The following DGLUCY variants were observed in gnomAD, a reference collection of about 807,000 sequenced individuals.
The protein encoded by DGLUCY is D-glutamate cyclase, mitochondrial.
A neutral mutation model predicts 58.5 loss-of-function variants in DGLUCY; 58 were observed. The ratio of observed to expected loss-of-function variants is 0.99; its 90% CI spans 0.80 to 1.23. The LOEUF is 1.23. Among genes scored for constraint, DGLUCY ranks in the 50% most tolerant of loss-of-function variants. The probability of loss-of-function intolerance (pLI) is 0.00; values close to 1 mark genes in which losing one functional copy is unlikely to be tolerated. For synonymous variants in DGLUCY, 325 were observed against 314.1 expected (o/e 1.03, Z -0.37); for missense variants, 779 against 784.7 (o/e 0.99, Z 0.09).
intron 4 of DGLUCY, 57 bp from the exon 5 acceptor site, chr14:91,169,946 T>C (rs2048480716): frequency 1.3e-6 from 2 of 1,540,762 alleles, no homozygotes; most frequent in Non-Finnish European, 1.8e-6. Flanking sequence ...TATAATGTAT[T>C]ATCAGGGGCC....
chr14:91,077,457 GA>G (rs767532533), intron 1 of DGLUCY, among the ~76,000 whole-genome samples: 1 of 150,042 alleles, frequency 6.7e-6, no homozygotes, highest in African/African-American at 2.5e-5. Context: ...AGAGAACAAA[GA>G]AAAAACAAAA....
At chr14:91,182,943 ATATTTTTATT>A (rs935352923) in intron 8 of DGLUCY, among the ~76,000 whole-genome samples, 4 of 146,210 alleles carry the variant, frequency 2.7e-5, no homozygotes, top group African/African-American at 2.6e-5. Context: ...ATTTTATTTT[ATATTTTTATT>A]TATTTTTATT....
At chr14:91,138,239 C>T (rs2140238357) in intron 1 of DGLUCY, among the ~76,000 whole-genome samples, 1 of 152,280 alleles carries the variant, frequency 6.6e-6, no homozygotes, top group African/African-American at 2.4e-5. Context: ...CACCTGTAAT[C>T]CCAGCACTTT....
At chr14:91,125,291 G>A (rs1189827166) in intron 1 of DGLUCY, among the ~76,000 whole-genome samples, 1 of 152,206 alleles carries the variant, frequency 6.6e-6, no homozygotes, top group African/African-American at 2.4e-5. Context: ...CGGGGAACAA[G>A]CATTTCAAAC....
At chr14:91,205,842 C>CTTTTTTTTTT (rs36096639) in intron 12 of DGLUCY, among the ~76,000 whole-genome samples, 1 of 70,698 alleles carries the variant, frequency 1.4e-5, no homozygotes, top group Non-Finnish European at 2.4e-5. Context: ...TCTTCTTCTT[C>CTTTTTTTTTT]TTTTTTTTTT....
chr14:91,147,695 G>C (rs958792592), intron 1 of DGLUCY: 1 of 152,160 alleles, frequency 6.6e-6, no homozygotes, highest in African/African-American at 2.4e-5. Context: ...AGTTGAAAGG[G>C]CATCTGTTAT....
intron 1 of DGLUCY, among the ~76,000 whole-genome samples, chr14:91,144,463 G>A (rs1378065068): frequency 6.6e-6 from 1 of 152,172 alleles, no homozygotes; most frequent in East Asian, 1.9e-4. Context: ...AGGAGGCTGA[G>A]ACAAGAGAAT....
chr14:91,078,753 G>A (rs2044072433), intron 1 of DGLUCY, among the ~76,000 whole-genome samples: 2 of 152,148 alleles, frequency 1.3e-5, no homozygotes, highest in Non-Finnish European at 2.9e-5. Context: ...AAGCTGGAGA[G>A]TCAGGAAACT....
intron 1 of DGLUCY, among the ~76,000 whole-genome samples, chr14:91,077,094 A>G (rs2044033544): frequency 6.6e-6 from 1 of 152,060 alleles, no homozygotes; most frequent in Non-Finnish European, 1.5e-5. Context: ...AATGAATAAA[A>G]TTAGCCAGGT....
At chr14:91,160,149 G>C (rs1436884966) in intron 2 of DGLUCY, 117 bp from the exon 3 acceptor site, 2 of 713,218 alleles carry the variant, frequency 2.8e-6, no homozygotes, top group East Asian at 2.7e-5. Flanking sequence ...GGCAGGCCCA[G>C]GAACAGGGCC....
intron 1 of DGLUCY, among the ~76,000 whole-genome samples, chr14:91,092,580 G>A (rs1361483596): frequency 6.6e-6 from 1 of 152,198 alleles, no homozygotes; most frequent in African/African-American, 2.4e-5. Context: ...AGTAGTGCCT[G>A]TATGTGTAGG....
At chr14:91,154,231 G>A (rs2047486690) in intron 1 of DGLUCY, among the ~76,000 whole-genome samples, 1 of 152,196 alleles carries the variant, frequency 6.6e-6, no homozygotes, top group South Asian at 2.1e-4. Flanking sequence ...ACATTTTAGG[G>A]AGACCTGAGA....
At chr14:91,207,759 T>A (rs1884994840) in intron 12 of DGLUCY, among the ~76,000 whole-genome samples, 2 of 152,226 alleles carry the variant, frequency 1.3e-5, no homozygotes. Flanking sequence ...TTTTTCTTTT[T>A]TTTTGAGATG....
chr14:91,212,507 TTCAA>T (rs1356846524), intron 12 of DGLUCY, among the ~76,000 whole-genome samples: 1 of 152,116 alleles, frequency 6.6e-6, no homozygotes, highest in Non-Finnish European at 1.5e-5. Flanking sequence ...GTTGTAAATA[TTCAA>T]TCAAAGAAGA....
At chr14:91,167,416 G>A (rs2048340883) in intron 4 of DGLUCY, 38 bp downstream of exon 4, 2 of 1,612,986 alleles carry the variant, frequency 1.2e-6, no homozygotes, top group South Asian at 2.2e-5. Flanking sequence ...AAGCTTGGGA[G>A]TGTCCAGGTG....
intron 9 of DGLUCY, among the ~76,000 whole-genome samples, chr14:91,195,670 G>GGT (rs2050154825): frequency 8.3e-6 from 1 of 120,672 alleles, no homozygotes; most frequent in Non-Finnish European, 1.7e-5. Context: ...TTTGGGTTTT[G>GGT]TTTTTTTTTT....
intron 11 of DGLUCY, among the ~76,000 whole-genome samples, chr14:91,204,065 C>T (rs964421878): frequency 6.6e-6 from 1 of 152,216 alleles, no homozygotes; most frequent in Non-Finnish European, 1.5e-5. Context: ...ATTCATTTCA[C>T]CAATGAATTA....
chr14:91,177,284 G>C (rs370508070), intron 7 of DGLUCY, among the ~76,000 whole-genome samples: 12 of 152,176 alleles, frequency 7.9e-5, no homozygotes, highest in African/African-American at 2.2e-4. Flanking sequence ...AACAGCATGA[G>C]CCATTGCTTC....
chr14:91,157,464 G>T (rs1210603910), intron 1 of DGLUCY, among the ~76,000 whole-genome samples, 175 bp from the exon 2 acceptor site: 1 of 152,194 alleles, frequency 6.6e-6, no homozygotes, highest in African/African-American at 2.4e-5. Flanking sequence ...GATTAACAAT[G>T]CCTTTTTTGT....
Sources: gnomAD v4.1 joint callset for allele counts (sites outside exome capture counted in the v4.1 genomes callset) on GRCh38, gnomAD v4.1.1 for gene constraint, MANE v1.5 for transcripts, NCBI Gene and HGNC (gene_info 2026-07-23, HGNC 2026-07-21) for gene names.